Variants in GRIK3 observed in about 807,000 individuals in gnomAD.
GRIK3 encodes the protein glutamate receptor ionotropic, kainate 3.
A neutral mutation model predicts 102.5 loss-of-function variants in GRIK3; 29 were observed. The observed-to-expected ratio is 0.28, with a 90% CI of 0.21 to 0.39. The LOEUF is 0.39. Among genes scored for constraint, GRIK3 ranks in the 10% least tolerant of loss-of-function variants. The pLI, the probability that GRIK3 is intolerant of heterozygous loss-of-function variation, is 1.00. For synonymous variants in GRIK3, 511 were observed against 504.9 expected (o/e 1.01, Z -0.16); for missense variants, 908 against 1,252.4 (o/e 0.73, Z 4.15).
intron 1 of GRIK3, among the ~76,000 whole-genome samples, chr1:36,988,517 G>A (rs1289577355): frequency 6.6e-6 from 1 of 152,244 alleles, no homozygotes; most frequent in East Asian, 1.9e-4. Context: ...CAGATGGGCA[G>A]CGACCTGAGA....
At position 36,929,379 on chromosome 1, in the gene GRIK3, A is replaced by G. The variant is rs570370502; in HGVS notation, c.116-38283T>C. Among the ~76,000 whole-genome samples the G allele has an allele frequency of 2.6e-5, 4 of 152,300 alleles. No homozygotes were observed. The South Asian group carries it at 8.3e-4, about 32-fold the overall frequency. On this transcript the variant is annotated intron_variant, in intron 1 of 15. Coordinates refer to ENST00000373091, the MANE Select transcript of GRIK3 (RefSeq NM_000831.4). ...GCATGAATAAATTTAGATATATTTTAGATATATTTTCAACCCCAATAGATC... is the reference window on the plus strand; with the variant it reads ...GCATGAATAAATTTAGATATATTTTGGATATATTTTCAACCCCAATAGATC...
At chr1:36,862,105 A>G (rs1640733752) in intron 5 of GRIK3, among the ~76,000 whole-genome samples, 1 of 152,212 alleles carries the variant, frequency 6.6e-6, no homozygotes, top group African/African-American at 2.4e-5. Context: ...CATACAAGTC[A>G]AAGTTGAATT....
rs1376912606 is a variant in GRIK3, at chr1:36,808,711, A to G, written c.2092-2385T>C. Among the ~76,000 whole-genome samples the G allele has an allele frequency of 2.6e-5, 4 of 152,214 alleles. No homozygotes were observed. The East Asian group carries it at 7.7e-4, about 29-fold the overall frequency. ...GACCCTGAGCCAGAGGACTCAGCGA[A>G]ACTGCCTAGATTCCTGACCCACAAG... On this transcript the variant is annotated intron_variant, in intron 13 of 15. Transcript: ENST00000373091.
At chr1:36,932,460 C>T (rs1019597176) in intron 1 of GRIK3, among the ~76,000 whole-genome samples, 13 of 152,170 alleles carry the variant, frequency 8.5e-5, no homozygotes, top group African/African-American at 2.2e-4. Context: ...GGTCATCCTT[C>T]GTTTCTTTGT....
At chr1:37,003,961 C>T (rs959893802) in intron 1 of GRIK3, among the ~76,000 whole-genome samples, 3 of 152,112 alleles carry the variant, frequency 2.0e-5, no homozygotes, top group Non-Finnish European at 2.9e-5. Context: ...ATGGTTCCTG[C>T]CACCTGTTAG....
chr1:36,960,269 C>T (rs1317547513), intron 1 of GRIK3, among the ~76,000 whole-genome samples: 1 of 149,860 alleles, frequency 6.7e-6, no homozygotes, highest in East Asian at 2.0e-4. Context: ...GACTCTGTGA[C>T]CCGTGAGCCT....
At chr1:36,921,696 T>A (rs1423798378) in intron 1 of GRIK3, among the ~76,000 whole-genome samples, 1 of 152,166 alleles carries the variant, frequency 6.6e-6, no homozygotes, top group Non-Finnish European at 1.5e-5. Flanking sequence ...TGTCATAGTA[T>A]AATGGGTGGC....
At chr1:36,827,835 C>T (rs973070030) in intron 10 of GRIK3, among the ~76,000 whole-genome samples, 2 of 152,104 alleles carry the variant, frequency 1.3e-5, no homozygotes, top group African/African-American at 4.8e-5. Context: ...CAATGTTTCT[C>T]CTTCTAAAGG....
intron 11 of GRIK3, among the ~76,000 whole-genome samples, chr1:36,822,100 C>T (rs1178786594): frequency 6.6e-6 from 1 of 152,206 alleles, no homozygotes; most frequent in Non-Finnish European, 1.5e-5. Context: ...GCTGTCCTCT[C>T]TTTCCAGCTG....
At chr1:36,934,796 A>G (rs565239134) in intron 1 of GRIK3, among the ~76,000 whole-genome samples, 1 of 152,276 alleles carries the variant, frequency 6.6e-6, no homozygotes, top group African/African-American at 2.4e-5. Context: ...ATCATGCTAA[A>G]TATCTCTTTG....
chr1:36,933,504 C>T (rs1014310313), intron 1 of GRIK3, among the ~76,000 whole-genome samples: 1 of 152,014 alleles, frequency 6.6e-6, no homozygotes, highest in African/African-American at 2.4e-5. Context: ...ATTTGATTTC[C>T]CCCTCCACCA....
At position 36,801,360 on chromosome 1, in the gene GRIK3, G is replaced by A. The variant is rs1642437886; in HGVS notation, c.*491C>T. ...AAGTCTTCCTTCTGCCCAGGCATAT[G>A]GGATGGGTATCCCTCACCATGAGCT... On this transcript the variant is annotated 3_prime_UTR_variant, in exon 16 of 16. Transcript: ENST00000373091. The A allele has an allele frequency of 6.5e-6, 1 of 154,174 alleles. No homozygotes were observed. Among genetic ancestry groups the A allele is most frequent in the Non-Finnish European group, 1.4e-5 (1 of 69,150 alleles). The allele number at this position is 154,174 out of a possible 1,614,324, so 9.6% of individuals were successfully genotyped here. A position where few individuals can be genotyped will look rare whatever the true frequency, so the allele number is the denominator to read the frequency against.
rs545289287 is a variant in GRIK3 at position 36,816,956 on chromosome 1, A to G, written c.2091+104T>C. The G allele has an allele frequency of 1.2e-5, 9 of 760,804 alleles. No homozygotes were observed. In the African/African-American group the frequency reaches 1.6e-4, roughly 13 times the overall value. 47.1% of individuals were successfully genotyped at this position (760,804 alleles called of 1,614,324 possible). A position where few individuals can be genotyped will look rare whatever the true frequency, so the allele number is the denominator to read the frequency against. Reference sequence around the variant, plus strand: ...TGAGAGGGCTTCTGACCCATTGGCCATGCGTGGTTAGGGAAGGACAGAGAC... The same window carrying G: ...TGAGAGGGCTTCTGACCCATTGGCCGTGCGTGGTTAGGGAAGGACAGAGAC... On this transcript the variant is annotated intron_variant, in intron 13 of 15. Transcript: ENST00000373091.
intron 1 of GRIK3, among the ~76,000 whole-genome samples, chr1:36,992,556 G>T (rs1231833580): frequency 6.6e-6 from 1 of 152,194 alleles, no homozygotes; most frequent in Non-Finnish European, 1.5e-5. Flanking sequence ...CTGTTAAAGG[G>T]GAAGGCAAAG....
intron 1 of GRIK3, among the ~76,000 whole-genome samples, chr1:36,913,242 G>T (rs1641366189): frequency 6.6e-6 from 1 of 152,166 alleles, no homozygotes; most frequent in African/African-American, 2.4e-5. Context: ...CCAGGATCAG[G>T]GAGAGAACCC....
intron 9 of GRIK3, among the ~76,000 whole-genome samples, chr1:36,846,975 C>T (rs1162119744): frequency 6.6e-6 from 1 of 152,262 alleles, no homozygotes; most frequent in African/African-American, 2.4e-5. Flanking sequence ...CTCCATTCCC[C>T]TGCCTCCAGG....
At chr1:36,813,857 C>A (rs533518648) in intron 13 of GRIK3, among the ~76,000 whole-genome samples, 2 of 152,146 alleles carry the variant, frequency 1.3e-5, no homozygotes, top group Non-Finnish European at 2.9e-5. Context: ...ATTGCTGCTG[C>A]TGATGACAGG....
At chr1:36,865,766 C>T (rs148585514) in intron 5 of GRIK3, among the ~76,000 whole-genome samples, 37 of 152,350 alleles carry the variant, frequency 2.4e-4, no homozygotes, top group African/African-American at 8.4e-4. Context: ...CACTGATCTG[C>T]TATGAAACTT....
intron 1 of GRIK3, among the ~76,000 whole-genome samples, chr1:36,963,623 G>A (rs1348410156): frequency 6.6e-6 from 1 of 152,170 alleles, no homozygotes; most frequent in African/African-American, 2.4e-5. Context: ...TGGTGGAACT[G>A]GGATTTGAAC....
Sources: allele counts gnomAD v4.1 joint callset (sites outside exome capture counted in the v4.1 genomes callset), GRCh38; gene constraint gnomAD v4.1.1; transcripts MANE v1.5; gene names NCBI Gene and HGNC (gene_info 2026-07-23, HGNC 2026-07-21).